UNC13C: variants seen among roughly 807,000 people sequenced by gnomAD.
The protein encoded by UNC13C is protein unc-13 homolog C.
A neutral mutation model predicts 245.4 loss-of-function variants in UNC13C; 174 were observed. That is an observed-to-expected ratio of 0.71 (90% CI 0.63 to 0.80). The LOEUF is 0.80. Among genes scored for constraint, UNC13C ranks in the 30% least tolerant of loss-of-function variants. UNC13C has a pLI of 0.00. For missense variants in UNC13C, 2,829 were observed against 2,602.9 expected (o/e 1.09, Z -1.89); for synonymous variants, 992 against 895.1 (o/e 1.11, Z -1.93).
the UNC13C span, among the ~76,000 whole-genome samples, chr15:53,839,962 T>C: frequency 6.6e-6 from 1 of 152,138 alleles, no homozygotes; most frequent in African/African-American, 2.4e-5. Context: ...TATTCTATCC[T>C]GTTTTTTACC....
chr15:53,895,539 A>G, the UNC13C span, among the ~76,000 whole-genome samples: 3 of 152,112 alleles, frequency 2.0e-5, no homozygotes, highest in Admixed American at 2.0e-4. Flanking sequence ...GTTTTAATAA[A>G]CATAATTAAA....
At chr15:53,870,380 A>G in the UNC13C span, among the ~76,000 whole-genome samples, 1 of 151,814 alleles carries the variant, frequency 6.6e-6, no homozygotes, top group Non-Finnish European at 1.5e-5. Flanking sequence ...TCTGTACTAA[A>G]AGGCACAACT....
At position 54,268,450 on chromosome 15, in the gene UNC13C, T is replaced by C. The variant is rs74412489; in HGVS notation, c.3818+2954T>C. On this transcript the variant is annotated intron_variant, in intron 10 of 32. Coordinates refer to ENST00000260323, the MANE Select transcript of UNC13C (RefSeq NM_001080534.3). Reference sequence around the variant, plus strand: ...GATTGATGGATTTTTCTCCTCATTATGCATTACATTTTTCTGCTACTTTGC... The same window carrying C: ...GATTGATGGATTTTTCTCCTCATTACGCATTACATTTTTCTGCTACTTTGC... 5.0e-3 allele frequency among the ~76,000 whole-genome samples: 756 copies of C among 152,270 alleles called. 6 individuals carry two copies. Among genetic ancestry groups the C allele is most frequent in the African/African-American group, 0.018 (732 of 41,568 alleles).
chr15:54,572,505 G>A (rs762818083), intron 30 of UNC13C, among the ~76,000 whole-genome samples: 22 of 148,216 alleles, frequency 1.5e-4, no homozygotes, highest in African/African-American at 3.7e-4. Flanking sequence ...GGCTCACTGC[G>A]GCCTCTGCCT....
Position 54,507,153 on chromosome 15 carries a change from G to C in UNC13C, c.5338G>C (p.Val1780Leu). Reference protein sequence around the residue: ...NKVLLQYAAIVSSDFSSHCDK... With the variant: ...NKVLLQYAAILSSDFSSHCDK... ...AGTGCTGCTCCAGTATGCTGCAATTGTATCAAGTGATTTCAGTTCACATTG... is the reference window on the plus strand; with the variant it reads ...AGTGCTGCTCCAGTATGCTGCAATTCTATCAAGTGATTTCAGTTCACATTG... The change falls in exon 23 of 33, where the codon GTA (valine) becomes CTA (leucine). Residue 1780 changes from valine (V) to leucine (L), a missense_variant. By Grantham distance (32) the Val-to-Leu change is conservative. Coordinates refer to ENST00000260323, the MANE Select transcript of UNC13C (RefSeq NM_001080534.3). The C allele has an allele frequency of 6.3e-7, 1 of 1,599,768 alleles. No homozygotes were observed. The highest frequency in any genetic ancestry group is 8.5e-7 in the Non-Finnish European group (1 of 1,172,154).
intron 30 of UNC13C, among the ~76,000 whole-genome samples, chr15:54,597,465 C>T (rs1029213181): frequency 6.6e-6 from 1 of 152,104 alleles, no homozygotes; most frequent in African/African-American, 2.4e-5. Context: ...TTACTTAGCC[C>T]AGGGTCTGTG....
chr15:54,201,600 G>A (rs925693698), intron 4 of UNC13C, among the ~76,000 whole-genome samples: 36 of 151,804 alleles, frequency 2.4e-4, no homozygotes, highest in Non-Finnish European at 2.2e-4. Context: ...AAAAGCATTC[G>A]ATGAAATCTA....
At chr15:53,940,848 T>A in the UNC13C span, among the ~76,000 whole-genome samples, 1 of 152,214 alleles carries the variant, frequency 6.6e-6, no homozygotes, top group African/African-American at 2.4e-5. Context: ...TCCATGCTCA[T>A]GTATAGAAAT....
intron 2 of UNC13C, among the ~76,000 whole-genome samples, chr15:54,105,146 A>T (rs2141163530): frequency 6.6e-6 from 1 of 152,228 alleles, no homozygotes; most frequent in South Asian, 2.1e-4. Context: ...TTAACTTTTT[A>T]ATTTTTATCT....
chr15:54,104,593 A>T (rs1312584010), intron 2 of UNC13C, among the ~76,000 whole-genome samples: 1 of 152,094 alleles, frequency 6.6e-6, no homozygotes, highest in Non-Finnish European at 1.5e-5. Flanking sequence ...GATTTCTAAC[A>T]GTCAAGAGTT....
intron 16 of UNC13C, among the ~76,000 whole-genome samples, chr15:54,335,426 T>G (rs1344937881): frequency 1.3e-5 from 2 of 152,088 alleles, no homozygotes; most frequent in African/African-American, 2.4e-5. Flanking sequence ...TTGCAGAGAG[T>G]AAAAATCACT....
intron 30 of UNC13C, among the ~76,000 whole-genome samples, chr15:54,595,030 A>G (rs1262707468): frequency 1.3e-5 from 2 of 152,344 alleles, no homozygotes; most frequent in East Asian, 3.9e-4. Flanking sequence ...TAAACAGTGA[A>G]GGAGAATTTG....
At chr15:54,440,554 C>T (rs1455162818) in intron 19 of UNC13C, among the ~76,000 whole-genome samples, 1 of 151,926 alleles carries the variant, frequency 6.6e-6, no homozygotes, top group African/African-American at 2.4e-5. Flanking sequence ...ATCCATCCAT[C>T]CATTGATAGG....
intron 17 of UNC13C, among the ~76,000 whole-genome samples, chr15:54,377,221 A>G (rs981450): frequency 0.067 from 10,258 of 152,328 alleles, 422 homozygotes; most frequent in Admixed American, 0.11. Flanking sequence ...TCAAGCATCA[A>G]GAGCAGAGAC....
chr15:54,214,611 G>A (rs1208717636), intron 4 of UNC13C, among the ~76,000 whole-genome samples: 3 of 151,908 alleles, frequency 2.0e-5, no homozygotes, highest in African/African-American at 7.2e-5. Flanking sequence ...TACTTCTAAA[G>A]GATAGTGTGA....
At chr15:54,543,160 T>C (rs942238132) in intron 26 of UNC13C, among the ~76,000 whole-genome samples, 1 of 152,156 alleles carries the variant, frequency 6.6e-6, no homozygotes, top group African/African-American at 2.4e-5. Flanking sequence ...CCACATTTAC[T>C]GGTTCCTTTG....
intron 19 of UNC13C, among the ~76,000 whole-genome samples, chr15:54,442,947 AT>A (rs1451374847): frequency 6.6e-6 from 1 of 151,990 alleles, no homozygotes; most frequent in African/African-American, 2.4e-5. Flanking sequence ...ACTGGAAATA[AT>A]TTTTTCCTCT....
At position 54,240,809 on chromosome 15, in the gene UNC13C, A is replaced by G. The variant is rs528720387; in HGVS notation, c.3228+3119A>G. 1.4e-4 allele frequency among the ~76,000 whole-genome samples: 22 copies of G among 152,340 alleles called. No homozygotes were observed. In the South Asian group the frequency reaches 4.3e-3, roughly 30 times the overall value. Reference sequence around the variant, plus strand: ...TAAATACCATAGCAGTAGTCTCCCTAGCACTCCGCTATCCATCTCTGTTTT... The same window carrying G: ...TAAATACCATAGCAGTAGTCTCCCTGGCACTCCGCTATCCATCTCTGTTTT... On this transcript the variant is annotated intron_variant, in intron 7 of 32. Coordinates refer to ENST00000260323, the MANE Select transcript of UNC13C (RefSeq NM_001080534.3).
intron 30 of UNC13C, among the ~76,000 whole-genome samples, chr15:54,599,469 T>C (rs10152979): frequency 0.49 from 74,937 of 151,744 alleles, 19,027 homozygotes; most frequent in East Asian, 0.68. Flanking sequence ...ATTGTTACAT[T>C]TTTATGCTAT....
Sources: gnomAD v4.1 joint callset for allele counts (sites outside exome capture counted in the v4.1 genomes callset) on GRCh38, gnomAD v4.1.1 for gene constraint, MANE v1.5 for transcripts, NCBI Gene and HGNC (gene_info 2026-07-23, HGNC 2026-07-21) for gene names.